CACNA2D1: variants seen among roughly 807,000 people sequenced by gnomAD.
The protein encoded by CACNA2D1 is calcium voltage-gated channel auxiliary subunit alpha2delta 1.
Under a neutral mutation model 171.5 loss-of-function variants are expected in CACNA2D1, and 53 were observed. That is an observed-to-expected ratio of 0.31 (90% CI 0.25 to 0.39). The LOEUF is 0.39. Among genes scored for constraint, CACNA2D1 ranks in the 10% least tolerant of loss-of-function variants. CACNA2D1 has a pLI of 1.00. For synonymous variants in CACNA2D1, 442 were observed against 443.1 expected, an observed-to-expected ratio of 1.00 and a Z score of 0.03; for missense variants, 903 against 1,299.8, an observed-to-expected ratio of 0.69 and a Z score of 4.69.
intron 1 of CACNA2D1, among the ~76,000 whole-genome samples, chr7:82,440,475 T>C (rs1017218272): frequency 6.6e-6 from 1 of 151,924 alleles, no homozygotes; most frequent in Non-Finnish European, 1.5e-5. Flanking sequence ...GTGCATACTA[T>C]AGCATAAAAA....
chr7:82,186,522 T>C (rs1295205637), intron 3 of CACNA2D1, among the ~76,000 whole-genome samples: 1 of 152,166 alleles, frequency 6.6e-6, no homozygotes, highest in Non-Finnish European at 1.5e-5. Context: ...CCATTGGCAT[T>C]ATGGGGGCAT....
At chr7:82,120,133 A>C (rs1789541271) in intron 5 of CACNA2D1, among the ~76,000 whole-genome samples, 1 of 152,122 alleles carries the variant, frequency 6.6e-6, no homozygotes, top group South Asian at 2.1e-4. Flanking sequence ...AATGAGCTAT[A>C]ATTATGCTAC....
intron 1 of CACNA2D1, among the ~76,000 whole-genome samples, chr7:82,408,829 T>G (rs1220213883): frequency 6.6e-6 from 1 of 152,180 alleles, no homozygotes; most frequent in Non-Finnish European, 1.5e-5. Flanking sequence ...TAATTACAGA[T>G]GGTCCCAAGA....
intron 3 of CACNA2D1, among the ~76,000 whole-genome samples, chr7:82,185,402 G>A (rs1425395342): frequency 1.4e-5 from 2 of 147,906 alleles, no homozygotes; most frequent in Non-Finnish European, 3.0e-5. Context: ...TAACTCAAAA[G>A]GAGCAATGTT....
chr7:82,175,117 A>G (rs1413189343), intron 3 of CACNA2D1, among the ~76,000 whole-genome samples: 1 of 152,028 alleles, frequency 6.6e-6, no homozygotes, highest in Non-Finnish European at 1.5e-5. Context: ...TTGCAAATTT[A>G]TTGCAAGTTA....
At chr7:81,959,971 A>G (rs1793912528) in intron 36 of CACNA2D1, 142 bp from the exon 37 acceptor site, 1 of 1,309,930 alleles carries the variant, frequency 7.6e-7, no homozygotes. Context: ...TAGGAGTATG[A>G]TTTTAGAAGA....
chr7:82,050,316 C>G (rs1051306531), intron 10 of CACNA2D1: 1 of 400,832 alleles, frequency 2.5e-6, no homozygotes, highest in Non-Finnish European at 4.5e-6. Flanking sequence ...AGATAAAAGG[C>G]AGAAAAAATA....
At chr7:82,245,463 T>C (rs1352290763) in intron 3 of CACNA2D1, among the ~76,000 whole-genome samples, 6 of 152,114 alleles carry the variant, frequency 3.9e-5, no homozygotes, top group Non-Finnish European at 7.4e-5. Context: ...CGGTTTGGTG[T>C]TTCCAAAGAT....
intron 3 of CACNA2D1, among the ~76,000 whole-genome samples, chr7:82,218,304 G>C (rs570167122): frequency 6.6e-6 from 1 of 152,244 alleles, no homozygotes; most frequent in South Asian, 2.1e-4. Context: ...TCTCACTTAA[G>C]ATGTAGGAAA....
chr7:82,160,081 A>C (rs1266293054), intron 4 of CACNA2D1, among the ~76,000 whole-genome samples: 1 of 151,844 alleles, frequency 6.6e-6, no homozygotes, highest in Non-Finnish European at 1.5e-5. Flanking sequence ...AACCAGTGGG[A>C]AAAAAATCAG....
At position 82,200,900 on chromosome 7, in the gene CACNA2D1, G is replaced by C. The variant is rs573977247; in HGVS notation, c.295-30291C>G. On this transcript the variant is annotated intron_variant, in intron 3 of 38. Transcript: ENST00000356860. Reference sequence around the variant, plus strand: ...CAGCTTTTGAGACAAGCAATCTTATGACTGGAGAACGATAAGGCATGCGTG... The same window carrying C: ...CAGCTTTTGAGACAAGCAATCTTATCACTGGAGAACGATAAGGCATGCGTG... Among the ~76,000 whole-genome samples, 4 of 152,326 alleles carry C rather than the reference G, an allele frequency of 2.6e-5. No homozygotes were observed. The East Asian group carries it at 5.8e-4, about 22-fold the overall frequency.
rs1584486776 is a variant in CACNA2D1 at position 82,032,921 on chromosome 7, A to G, written c.1039-20T>C. The G allele has an allele frequency of 8.0e-7, 1 of 1,247,048 alleles. No individual in the cohort carries two copies. The highest frequency in any genetic ancestry group is 1.5e-5 in the African/African-American group (1 of 67,746). 77.2% of individuals were successfully genotyped at this position (1,247,048 alleles called of 1,614,324 possible). On this transcript the variant is annotated intron_variant, in intron 11 of 38. Transcript: ENST00000356860. ...ATTATACTGTTAAAAACAAAACCAA[A>G]CAAAACAATATGCGTATTATTCACA...
intron 11 of CACNA2D1, chr7:82,033,114 A>C: frequency 2.2e-6 from 1 of 462,436 alleles, no homozygotes; most frequent in Admixed American, 3.4e-5. Context: ...AGTCTATCTC[A>C]CTTCCTTCAG....
intron 19 of CACNA2D1, among the ~76,000 whole-genome samples, chr7:81,995,344 A>C (rs1797931814): frequency 6.6e-6 from 1 of 152,222 alleles, no homozygotes; most frequent in African/African-American, 2.4e-5. Context: ...TCATGTGAGA[A>C]AAATATTTTT....
chr7:82,348,131 C>T (rs1819449198), intron 2 of CACNA2D1, among the ~76,000 whole-genome samples: 1 of 152,144 alleles, frequency 6.6e-6, no homozygotes, highest in Non-Finnish European at 1.5e-5. Flanking sequence ...TCACCAGAAC[C>T]TGTACTTTCT....
At chr7:82,256,620 A>T (rs1806346080) in intron 3 of CACNA2D1, among the ~76,000 whole-genome samples, 1 of 152,170 alleles carries the variant, frequency 6.6e-6, no homozygotes, top group Non-Finnish European at 1.5e-5. Flanking sequence ...GGTAATACAG[A>T]ATTATGAGAA....
intron 10 of CACNA2D1, among the ~76,000 whole-genome samples, chr7:82,042,567 T>C (rs1042644246): frequency 1.3e-5 from 2 of 152,136 alleles, no homozygotes. Context: ...AGGTCACTCA[T>C]TAGAACTGCT....
intron 35 of CACNA2D1, among the ~76,000 whole-genome samples, chr7:81,962,225 A>C (rs1794220727): frequency 6.6e-6 from 1 of 152,094 alleles, no homozygotes; most frequent in Admixed American, 6.6e-5. Flanking sequence ...AATGAATTCA[A>C]ATACAAGATG....
At chr7:82,080,726 T>G (rs1809644276) in intron 7 of CACNA2D1, among the ~76,000 whole-genome samples, 1 of 152,192 alleles carries the variant, frequency 6.6e-6, no homozygotes, top group Non-Finnish European at 1.5e-5. Flanking sequence ...ACAATCCGTC[T>G]CCTGACCAGT....
Sources: gnomAD v4.1 joint callset for allele counts (sites outside exome capture counted in the v4.1 genomes callset) on GRCh38, gnomAD v4.1.1 for gene constraint, MANE v1.5 for transcripts, NCBI Gene and HGNC (gene_info 2026-07-23, HGNC 2026-07-21) for gene names.